Variants in TMPRSS11D observed in about 807,000 individuals in gnomAD.
TMPRSS11D encodes the protein transmembrane serine protease 11D.
TMPRSS11D carries 32 observed loss-of-function variants against 44.4 expected under a neutral mutation model. That is an observed-to-expected ratio of 0.72 (90% CI 0.54 to 0.97). TMPRSS11D has a LOEUF of 0.97. Among genes scored for constraint, TMPRSS11D ranks in the 50% least tolerant of loss-of-function variants. The probability of loss-of-function intolerance (pLI) is 0.00; values close to 1 mark genes in which losing one functional copy is unlikely to be tolerated. For synonymous variants in TMPRSS11D, 179 were observed against 177.9 expected (o/e 1.01, Z -0.05); for missense variants, 446 against 502.6 (o/e 0.89, Z 1.08).
chr4:67,827,551 T>C lies in TMPRSS11D; in HGVS notation c.693-31A>G, dbSNP rs200528842. The C allele has an allele frequency of 8.5e-5, 132 of 1,547,938 alleles. No individual in the cohort carries two copies. In the Middle Eastern group the frequency reaches 2.5e-3, roughly 29 times the overall value. ...ACATTATGAAAACATGCTATATGAGTAGGGAATTTGTGAACATTTCAGATA... is the reference window on the plus strand; with the variant it reads ...ACATTATGAAAACATGCTATATGAGCAGGGAATTTGTGAACATTTCAGATA... On this transcript the variant is annotated intron_variant, in intron 7 of 9. Coordinates refer to ENST00000283916, the MANE Select transcript of TMPRSS11D (RefSeq NM_004262.3).
rs1393024882 is a variant in TMPRSS11D, at chr4:67,857,610, A to G, written c.130+1947T>C. Among the ~76,000 whole-genome samples, 5 of 152,010 alleles carry G rather than the reference A, an allele frequency of 3.3e-5. 1 individual carries two copies. The highest frequency in any genetic ancestry group is 2.0e-4 in the Admixed American group (3 of 15,238). ...CCATCTCTACTACTAAAAAAAGAGT[A>G]AAGAAGAAAGACAAGTATGTTCTAA... On this transcript the variant is annotated intron_variant, in intron 2 of 9. Coordinates refer to ENST00000283916, the MANE Select transcript of TMPRSS11D (RefSeq NM_004262.3).
intron 1 of TMPRSS11D, among the ~76,000 whole-genome samples, chr4:67,873,036 T>C (rs1306696413): frequency 6.6e-6 from 1 of 152,184 alleles, no homozygotes; most frequent in African/African-American, 2.4e-5. Flanking sequence ...GTGTCACATA[T>C]TTTCATCAAC....
intron 8 of TMPRSS11D, among the ~76,000 whole-genome samples, chr4:67,826,801 T>G (rs889435626): frequency 1.1e-4 from 16 of 151,696 alleles, no homozygotes; most frequent in African/African-American, 3.6e-4. Flanking sequence ...ACACACTTAT[T>G]TATAATTCTA....
At chr4:67,825,670 A>T in intron 9 of TMPRSS11D, 62 bp downstream of exon 9, 1 of 1,563,374 alleles carries the variant, frequency 6.4e-7, no homozygotes, top group Non-Finnish European at 8.7e-7. Context: ...ACATTATCAC[A>T]TACTAGGAAG....
intron 3 of TMPRSS11D, among the ~76,000 whole-genome samples, chr4:67,848,405 T>C (rs1374275281): frequency 6.6e-6 from 1 of 152,228 alleles, no homozygotes; most frequent in African/African-American, 2.4e-5. Context: ...GAGCATCTCT[T>C]GTGTGCCACC....
At chr4:67,851,545 C>A (rs983840926) in intron 3 of TMPRSS11D, among the ~76,000 whole-genome samples, 1 of 152,114 alleles carries the variant, frequency 6.6e-6, no homozygotes, top group African/African-American at 2.4e-5. Flanking sequence ...TCTGAAGCAG[C>A]GTGTCTGGGG....
intron 1 of TMPRSS11D, among the ~76,000 whole-genome samples, chr4:67,879,568 A>G (rs1395888198): frequency 1.3e-5 from 2 of 152,098 alleles, no homozygotes; most frequent in Non-Finnish European, 2.9e-5. Context: ...CCCATGGGAT[A>G]AGCAAAAAAC....
chr4:67,836,847 A>T (rs1291914788), intron 5 of TMPRSS11D, among the ~76,000 whole-genome samples: 2 of 152,134 alleles, frequency 1.3e-5, no homozygotes, highest in Non-Finnish European at 2.9e-5. Flanking sequence ...TTCAGTACAG[A>T]CTGTTTGCCT....
intron 1 of TMPRSS11D, among the ~76,000 whole-genome samples, chr4:67,873,227 T>C (rs1159375799): frequency 6.6e-6 from 1 of 152,186 alleles, no homozygotes; most frequent in Non-Finnish European, 1.5e-5. Context: ...CAGAAACATT[T>C]ATTTCTGAAA....
chr4:67,853,574 GC>G (rs1313515933), intron 3 of TMPRSS11D, among the ~76,000 whole-genome samples: 1 of 152,118 alleles, frequency 6.6e-6, no homozygotes, highest in Non-Finnish European at 1.5e-5. Flanking sequence ...GCACCCAGAG[GC>G]TCTCTTCAAG....
intron 7 of TMPRSS11D, among the ~76,000 whole-genome samples, chr4:67,831,194 A>G (rs1001598516): frequency 6.6e-6 from 1 of 152,110 alleles, no homozygotes. Context: ...TTTCTGTGGA[A>G]CTCAATGGAG....
chr4:67,833,530 T>C, intron 6 of TMPRSS11D, 149 bp from the exon 7 acceptor site: 1 of 636,208 alleles, frequency 1.6e-6, no homozygotes, highest in Non-Finnish European at 2.3e-6. Flanking sequence ...ATGATCGATA[T>C]ATTTCTACAA....
chr4:67,860,079 G>A (rs1357271400), intron 1 of TMPRSS11D, among the ~76,000 whole-genome samples: 2 of 152,052 alleles, frequency 1.3e-5, no homozygotes, highest in African/African-American at 4.8e-5. Context: ...CCCCAAGGCT[G>A]TACTGAAGAG....
At chr4:67,830,203 CA>C (rs566630074) in intron 7 of TMPRSS11D, among the ~76,000 whole-genome samples, 6 of 151,642 alleles carry the variant, frequency 4.0e-5, no homozygotes, top group African/African-American at 9.7e-5. Context: ...CATATACATA[CA>C]AAAAAACACT....
At chr4:67,869,052 T>C (rs1169227772) in intron 1 of TMPRSS11D, among the ~76,000 whole-genome samples, 1 of 152,250 alleles carries the variant, frequency 6.6e-6, no homozygotes, top group African/African-American at 2.4e-5. Flanking sequence ...GTTATACTCG[T>C]CACATGACTA....
rs564222888 is a variant in TMPRSS11D at position 67,854,886 on chromosome 4, C to G, written c.131-700G>C. 4.1e-4 allele frequency among the ~76,000 whole-genome samples: 63 copies of G among 152,224 alleles called. No homozygotes were observed. The South Asian group carries it at 0.012, about 30-fold the overall frequency. On this transcript the variant is annotated intron_variant, in intron 2 of 9. Coordinates refer to ENST00000283916, the MANE Select transcript of TMPRSS11D (RefSeq NM_004262.3). ...CCTCAAACTATTCAAAAACATCAAA[C>G]AGGAGGGAGTTCTCCCCAACTCATT... is the stretch of plus-strand genomic sequence containing the variant.
intron 2 of TMPRSS11D, among the ~76,000 whole-genome samples, chr4:67,858,166 T>G (rs1398061546): frequency 2.0e-5 from 3 of 152,178 alleles, no homozygotes; most frequent in African/African-American, 7.2e-5. Context: ...TCTACTTTCT[T>G]TTGATCGTTC....
chr4:67,836,091 ACTC>A (rs1218078777), intron 5 of TMPRSS11D, among the ~76,000 whole-genome samples: 3 of 151,736 alleles, frequency 2.0e-5, no homozygotes, highest in Non-Finnish European at 2.9e-5. Context: ...ATTTTCTCAA[ACTC>A]CTCCTTTCAC....
intron 7 of TMPRSS11D, among the ~76,000 whole-genome samples, chr4:67,831,056 C>T (rs1717931909): frequency 1.3e-5 from 2 of 151,966 alleles, no homozygotes; most frequent in South Asian, 4.1e-4. Context: ...GTATGAGTCT[C>T]CAGGAATAAA....
Sources: gnomAD v4.1 joint callset for allele counts (sites outside exome capture counted in the v4.1 genomes callset) on GRCh38, gnomAD v4.1.1 for gene constraint, MANE v1.5 for transcripts, NCBI Gene and HGNC (gene_info 2026-07-23, HGNC 2026-07-21) for gene names.